The following NRG1 variants were observed in gnomAD, a reference collection of about 807,000 sequenced individuals.
NRG1 encodes pro-neuregulin-1, membrane-bound isoform.
In NRG1, 18 loss-of-function variants were observed where a neutral mutation model predicts 63.8. The ratio of observed to expected loss-of-function variants is 0.28; its 90% confidence interval spans 0.19 to 0.42. The LOEUF is 0.42. Ranked by LOEUF, NRG1 falls within the 10% of genes least tolerant of loss-of-function variation. NRG1 has a pLI of 1.00. For missense variants in NRG1, 762 were observed against 814.7 expected (o/e 0.94, Z 0.79); for synonymous variants, 302 against 301.3 (o/e 1.00, Z -0.02).
At chr8:31,854,906 A>G (rs540881033) in intron 1 of NRG1, among the ~76,000 whole-genome samples, 1 of 152,222 alleles carries the variant, frequency 6.6e-6, no homozygotes, top group East Asian at 1.9e-4. Flanking sequence ...TTCAGTTTCC[A>G]TGTAGCTGAG....
At chr8:32,334,566 G>A (rs1013204646) in intron 1 of NRG1, among the ~76,000 whole-genome samples, 1 of 152,146 alleles carries the variant, frequency 6.6e-6, no homozygotes, top group Non-Finnish European at 1.5e-5. Context: ...TAAAAGCCAC[G>A]ACATTCCAGA....
intron 1 of NRG1, among the ~76,000 whole-genome samples, chr8:32,312,253 T>C (rs1856903254): frequency 7.5e-6 from 1 of 133,448 alleles, no homozygotes; most frequent in African/African-American, 2.8e-5. Flanking sequence ...ATCCTCCGCC[T>C]CCTGGGCTCA....
chr8:32,214,594 G>A (rs889422031), intron 1 of NRG1, among the ~76,000 whole-genome samples: 1 of 152,064 alleles, frequency 6.6e-6, no homozygotes, highest in Non-Finnish European at 1.5e-5. Flanking sequence ...AGTGAGCTGT[G>A]ATTGCACCAC....
intron 1 of NRG1, among the ~76,000 whole-genome samples, chr8:32,021,539 C>CTGTTATAATG (rs1816443649): frequency 6.6e-6 from 1 of 152,174 alleles, no homozygotes; most frequent in African/African-American, 2.4e-5. Context: ...ATAGGCCCTA[C>CTGTTATAATG]CTCCACACTG....
intron 1 of NRG1, among the ~76,000 whole-genome samples, chr8:32,403,744 T>G (rs1291215876): frequency 1.3e-5 from 2 of 152,074 alleles, no homozygotes; most frequent in African/African-American, 4.8e-5. Context: ...TCCTAGAGAG[T>G]GAGAGTTCAT....
At chr8:31,885,606 G>T (rs1467043601) in intron 1 of NRG1, among the ~76,000 whole-genome samples, 2 of 152,068 alleles carry the variant, frequency 1.3e-5, no homozygotes, top group African/African-American at 4.8e-5. Flanking sequence ...CACATATATT[G>T]GTAAGTATAG....
At chr8:32,285,227 G>A (rs754563667) in intron 1 of NRG1, among the ~76,000 whole-genome samples, 1 of 152,108 alleles carries the variant, frequency 6.6e-6, no homozygotes, top group East Asian at 1.9e-4. Context: ...TAGCCCAAAT[G>A]CATCACCTGT....
intron 1 of NRG1, among the ~76,000 whole-genome samples, chr8:31,916,430 C>A (rs1833393969): frequency 6.6e-6 from 1 of 152,076 alleles, no homozygotes; most frequent in Admixed American, 6.6e-5. Flanking sequence ...GTTCAATTCC[C>A]ACCTATGAGT....
intron 1 of NRG1, among the ~76,000 whole-genome samples, chr8:31,685,123 G>A (rs571526790): frequency 6.6e-6 from 1 of 152,216 alleles, no homozygotes; most frequent in African/African-American, 2.4e-5. Context: ...TAAAAATGTA[G>A]TCGATGCTGT....
chr8:32,010,440 A>G (rs895477357), intron 1 of NRG1, among the ~76,000 whole-genome samples: 1 of 152,068 alleles, frequency 6.6e-6, no homozygotes, highest in Non-Finnish European at 1.5e-5. Context: ...GAAATAGGGC[A>G]CTAAAGAAAA....
At chr8:32,548,123 C>G, upstream of NRG1, 1 of 762,616 alleles carries the variant, frequency 1.3e-6, no homozygotes, top group Non-Finnish European at 1.6e-6. Context: ...GGAAAAGGGG[C>G]TGCGCCCGGG....
intron 1 of NRG1, among the ~76,000 whole-genome samples, chr8:32,295,428 T>C (rs997159470): frequency 6.6e-6 from 1 of 152,146 alleles, no homozygotes; most frequent in Admixed American, 6.5e-5. Flanking sequence ...TACAATAATC[T>C]CTACTACTTG....
intron 6 of NRG1, among the ~76,000 whole-genome samples, chr8:32,738,009 G>A (rs1307700318): frequency 2.6e-5 from 4 of 152,086 alleles, no homozygotes; most frequent in South Asian, 4.2e-4. Context: ...GATCAGATAC[G>A]GACGCTGTGG....
intron 1 of NRG1, among the ~76,000 whole-genome samples, chr8:32,293,583 T>A (rs1345055205): frequency 6.6e-6 from 1 of 152,158 alleles, no homozygotes; most frequent in Non-Finnish European, 1.5e-5. Flanking sequence ...AAAGATTATT[T>A]TGAGAAAATA....
chr8:32,092,332 T>C (rs1027054276), intron 1 of NRG1, among the ~76,000 whole-genome samples: 3 of 151,514 alleles, frequency 2.0e-5, no homozygotes, highest in Non-Finnish European at 4.4e-5. Context: ...TGGTGTGTGC[T>C]TGTAGTAACA....
At chr8:32,470,418 A>G (rs1823695029) in intron 1 of NRG1, among the ~76,000 whole-genome samples, 1 of 150,082 alleles carries the variant, frequency 6.7e-6, no homozygotes, top group South Asian at 2.1e-4. Context: ...GTTAGCCAGG[A>G]TGGTCTCCGT....
chr8:31,729,339 C>T (rs571062901), intron 1 of NRG1, among the ~76,000 whole-genome samples: 2 of 152,074 alleles, frequency 1.3e-5, no homozygotes, highest in African/African-American at 4.8e-5. Context: ...ATTATGCCCA[C>T]TCACATGTAG....
At chr8:32,159,968 T>A (rs1054927286) in intron 1 of NRG1, among the ~76,000 whole-genome samples, 1 of 152,182 alleles carries the variant, frequency 6.6e-6, no homozygotes, top group Admixed American at 6.5e-5. Flanking sequence ...TATTGTCTTA[T>A]TGAGAAGAAA....
chr8:32,326,256 C>T (rs1422459478), intron 1 of NRG1, among the ~76,000 whole-genome samples: 1 of 151,056 alleles, frequency 6.6e-6, no homozygotes, highest in Non-Finnish European at 1.5e-5. Context: ...GATCTGCCGA[C>T]CTTGGTCTCC....
Sources: gnomAD v4.1 joint callset for allele counts (sites outside exome capture counted in the v4.1 genomes callset) on GRCh38, gnomAD v4.1.1 for gene constraint, MANE v1.5 for transcripts, NCBI Gene and HGNC (gene_info 2026-07-23, HGNC 2026-07-21) for gene names.